ESR1: variants seen among roughly 807,000 people sequenced by gnomAD.
The protein encoded by ESR1 is estrogen receptor.
Under a neutral mutation model 52.7 loss-of-function variants are expected in ESR1, and 12 were observed. That is an observed-to-expected ratio of 0.23 (90% CI 0.15 to 0.37). ESR1 has a LOEUF of 0.37. Ranked by LOEUF, ESR1 falls within the 10% of genes least tolerant of loss-of-function variation. The pLI is 1.00. For missense variants in ESR1, 584 were observed against 779.7 expected, an observed-to-expected ratio of 0.75 and a Z score of 2.99; for synonymous variants, 305 against 316.8, an observed-to-expected ratio of 0.96 and a Z score of 0.39.
chr6:151,763,190 C>A (rs1583174970), intron 2 of ESR1, among the ~76,000 whole-genome samples: 1 of 151,896 alleles, frequency 6.6e-6, no homozygotes, highest in East Asian at 1.9e-4. Flanking sequence ...CAAATTATAA[C>A]CACCTTGGCT....
chr6:151,875,117 G>C (rs1381755900), intron 2 of ESR1, among the ~76,000 whole-genome samples: 2 of 152,208 alleles, frequency 1.3e-5, no homozygotes. Flanking sequence ...CCTCAAAACG[G>C]AAAGAGTAGT....
chr6:151,721,410 G>T (rs1421264694), intron 2 of ESR1, among the ~76,000 whole-genome samples: 1 of 152,192 alleles, frequency 6.6e-6, no homozygotes, highest in Non-Finnish European at 1.5e-5. Context: ...TCAGATGTGG[G>T]TTTAGAAAGA....
At chr6:152,083,653 T>G (rs1007426093) in intron 6 of ESR1, among the ~76,000 whole-genome samples, 1 of 152,164 alleles carries the variant, frequency 6.6e-6, no homozygotes, top group Non-Finnish European at 1.5e-5. Context: ...GAAACTATCA[T>G]CAGAGTGAAC....
intron 2 of ESR1, among the ~76,000 whole-genome samples, chr6:151,845,752 A>G (rs972264577): frequency 6.6e-6 from 1 of 152,190 alleles, no homozygotes; most frequent in Non-Finnish European, 1.5e-5. Flanking sequence ...AAAATGGGAT[A>G]AATATTGAGT....
chr6:151,761,864 C>T (rs1277159505), intron 2 of ESR1, among the ~76,000 whole-genome samples: 1 of 152,200 alleles, frequency 6.6e-6, no homozygotes, highest in Non-Finnish European at 1.5e-5. Context: ...GGGCCCCACC[C>T]TCAGAATTTC....
intron 2 of ESR1, among the ~76,000 whole-genome samples, chr6:151,761,073 G>A (rs970416386): frequency 6.6e-6 from 1 of 151,840 alleles, no homozygotes; most frequent in African/African-American, 2.4e-5. Context: ...CTGAGAAATA[G>A]TGGCTGGGCG....
intron 5 of ESR1, among the ~76,000 whole-genome samples, chr6:152,048,769 G>A (rs1298557290): frequency 1.3e-5 from 2 of 152,170 alleles, no homozygotes; most frequent in Admixed American, 6.5e-5. Flanking sequence ...ACTGAGTTAC[G>A]GAGAAGATGA....
intron 4 of ESR1, among the ~76,000 whole-genome samples, chr6:152,007,799 G>A (rs972877971): frequency 6.6e-6 from 1 of 152,094 alleles, no homozygotes; most frequent in Non-Finnish European, 1.5e-5. Context: ...CTGCGAGAAT[G>A]TCTATCACTG....
chr6:152,093,742 A>T (rs2050390324), intron 6 of ESR1, among the ~76,000 whole-genome samples: 1 of 152,192 alleles, frequency 6.6e-6, no homozygotes, highest in South Asian at 2.1e-4. Context: ...TTTTCTGCTG[A>T]GGCTTAAAAG....
chr6:151,922,177 A>G (rs760215244), intron 3 of ESR1, among the ~76,000 whole-genome samples: 4 of 152,202 alleles, frequency 2.6e-5, no homozygotes, highest in East Asian at 3.9e-4. Context: ...CAACGATTTG[A>G]CCTTCGAGAA....
chr6:151,956,857 T>TAA (rs1562594295), intron 4 of ESR1, among the ~76,000 whole-genome samples: 87 of 81,590 alleles, frequency 1.1e-3, no homozygotes, highest in African/African-American at 2.7e-3. Context: ...TATATATATA[T>TAA]ATATAAATAT....
chr6:151,786,743 C>A (rs1787067047), intron 2 of ESR1, among the ~76,000 whole-genome samples: 2 of 150,404 alleles, frequency 1.3e-5, no homozygotes. Flanking sequence ...CAGTTTCAAT[C>A]TTCTGTCTAT....
At chr6:151,698,659 A>C (rs1317484266) in intron 1 of ESR1, among the ~76,000 whole-genome samples, 2 of 152,186 alleles carry the variant, frequency 1.3e-5, no homozygotes, top group African/African-American at 4.8e-5. Flanking sequence ...TAGAGCAACA[A>C]TTTAAAAAGA....
At chr6:151,954,345 C>T (rs2036663479) in intron 4 of ESR1, among the ~76,000 whole-genome samples, 1 of 152,148 alleles carries the variant, frequency 6.6e-6, no homozygotes, top group African/African-American at 2.4e-5. Context: ...AAACAAGTGG[C>T]CTTGTCCTTT....
intron 6 of ESR1, among the ~76,000 whole-genome samples, chr6:152,115,452 T>C (rs963789426): frequency 2.6e-5 from 4 of 152,186 alleles, no homozygotes; most frequent in Admixed American, 1.3e-4. Context: ...TTCATACTAA[T>C]GACAAAAATA....
rs149781847 is a variant in ESR1, at chr6:151,947,623, C to G, written c.1096+3115C>G. 7.2e-5 allele frequency among the ~76,000 whole-genome samples: 11 copies of G among 152,102 alleles called. No homozygotes were observed. In the East Asian group the frequency reaches 2.1e-3, roughly 29 times the overall value. ...GTTGATGATTATAAGTTGAATTTTC[C>G]TTTTCATTAACCCCTGGGGCTTATT... On this transcript the variant is annotated intron_variant, in intron 4 of 7. Coordinates refer to ENST00000206249, the MANE Select transcript of ESR1 (RefSeq NM_000125.4).
intron 6 of ESR1, among the ~76,000 whole-genome samples, chr6:152,084,281 G>A (rs1223437786): frequency 8.6e-5 from 13 of 151,888 alleles, no homozygotes; most frequent in Admixed American, 3.9e-4. Flanking sequence ...AGGGGTTGGG[G>A]GGCTGGGGGA....
At chr6:151,770,615 T>C (rs1056743020) in intron 2 of ESR1, among the ~76,000 whole-genome samples, 12 of 152,088 alleles carry the variant, frequency 7.9e-5, no homozygotes, top group African/African-American at 2.4e-4. Flanking sequence ...GTAAAGGTGA[T>C]ACGGGATTTT....
At chr6:151,664,182 A>G (rs918675439) in intron 1 of ESR1, among the ~76,000 whole-genome samples, 2 of 152,186 alleles carry the variant, frequency 1.3e-5, no homozygotes, top group Non-Finnish European at 2.9e-5. Flanking sequence ...TCCATGGAGA[A>G]AACTGTGTTT....
Sources: allele counts gnomAD v4.1 joint callset (sites outside exome capture counted in the v4.1 genomes callset), GRCh38; gene constraint gnomAD v4.1.1; transcripts MANE v1.5; gene names NCBI Gene and HGNC (gene_info 2026-07-23, HGNC 2026-07-21).